PCNX1: variants seen among roughly 807,000 people sequenced by gnomAD.
PCNX1 encodes pecanex 1, also known as pecanex-like protein 1.
Under a neutral mutation model 242.2 loss-of-function variants are expected in PCNX1, and 78 were observed. The ratio of observed to expected loss-of-function variants is 0.32; its 90% CI spans 0.27 to 0.39. The LOEUF (loss-of-function observed/expected upper bound fraction) is 0.39, where lower values mean the gene tolerates loss of function less well. PCNX1 is among the 10% of genes least tolerant of loss of function. PCNX1 has a pLI of 1.00. For missense variants in PCNX1, 2,581 were observed against 2,856.5 expected (o/e 0.90, Z 2.20); for synonymous variants, 1,024 against 1,032.9 (o/e 0.99, Z 0.17).
In PCNX1 at chr14:70,978,599, A is replaced by C. The variant is rs2058748055; in HGVS notation, c.2262A>C (p.Pro754=). The change falls in exon 6 of 36, where the codon CCA becomes CCC. Residue 754 remains proline, a synonymous_variant. Coordinates refer to ENST00000304743, the MANE Select transcript of PCNX1 (RefSeq NM_014982.3). The part of the protein sequence containing the change: ...ETVTRSRNSL[P]NQVAFPEGEE... ...TCACTCGATCTAGGAATAGCTTGCC[A>C]AACCAGGTTGCATTTCCTGAAGGGG... is the stretch of plus-strand genomic sequence containing the variant. 1 of 1,614,020 alleles carries C rather than the reference A, an allele frequency of 6.2e-7. No individual in the cohort carries two copies. Among genetic ancestry groups the C allele is most frequent in the Non-Finnish European group, 8.5e-7 (1 of 1,179,946 alleles).
rs1420430918 is a variant in PCNX1 at position 71,081,973 on chromosome 14, C to G, written c.5337+5554C>G. ...TAGGGTGTTGATTTTAGATCTTTCC[C>G]ACTTTTTTTCTGTGGGCATTTAGTG... is the stretch of plus-strand genomic sequence containing the variant. On this transcript the variant is annotated intron_variant, in intron 28 of 35. Coordinates refer to ENST00000304743, the MANE Select transcript of PCNX1 (RefSeq NM_014982.3). 2.6e-5 allele frequency among the ~76,000 whole-genome samples: 4 copies of G among 152,066 alleles called. No homozygotes were observed. In the East Asian group the frequency reaches 7.7e-4, roughly 29 times the overall value.
rs951532411 is a variant in PCNX1 at position 71,036,298 on chromosome 14, T to A, written c.3867+141T>A. ...GGCTCAAGTGATCCTCCCACGTAGC[T>A]AGGACTACAGTTGTGCACCACCACA... On this transcript the variant is annotated intron_variant, in intron 19 of 35. Transcript: ENST00000304743. The A allele has an allele frequency of 4.9e-6, 3 of 608,310 alleles. No homozygotes were observed. The African/African-American group carries it at 5.6e-5, about 11-fold the overall frequency. 37.7% of individuals were successfully genotyped at this position (608,310 alleles called of 1,614,324 possible).
intron 8 of PCNX1, among the ~76,000 whole-genome samples, chr14:70,999,438 T>C (rs1192726544): frequency 6.6e-6 from 1 of 152,182 alleles, no homozygotes; most frequent in African/African-American, 2.4e-5. Context: ...TAAAAATTAC[T>C]GTTACAATGT....
intron 7 of PCNX1, among the ~76,000 whole-genome samples, chr14:70,989,534 ATT>A (rs34767376): frequency 1.8e-3 from 233 of 126,332 alleles, no homozygotes; most frequent in African/African-American, 5.4e-3. Context: ...ACAGATATAA[ATT>A]TTTTTTTTTT....
intron 3 of PCNX1, 29 bp from the exon 4 acceptor site, chr14:70,968,169 G>A: frequency 9.5e-6 from 15 of 1,578,502 alleles, no homozygotes; most frequent in Non-Finnish European, 1.3e-5. Flanking sequence ...ATTTTAATTA[G>A]TTTTATTTAC....
intron 3 of PCNX1, among the ~76,000 whole-genome samples, chr14:70,963,090 C>T (rs546738135): frequency 6.6e-6 from 1 of 152,320 alleles, no homozygotes; most frequent in East Asian, 1.9e-4. Flanking sequence ...CTAGACCGCA[C>T]TTCTCACTCC....
chr14:71,059,521 C>A (rs1387238301), intron 26 of PCNX1, among the ~76,000 whole-genome samples: 1 of 151,896 alleles, frequency 6.6e-6, no homozygotes, highest in East Asian at 1.9e-4. Context: ...GTAGTTGGGA[C>A]TACAGGTGCA....
intron 28 of PCNX1, among the ~76,000 whole-genome samples, chr14:71,084,469 T>G (rs1448847681): frequency 2.0e-5 from 3 of 152,042 alleles, no homozygotes; most frequent in Non-Finnish European, 4.4e-5. Context: ...TTCCCCCAGG[T>G]GCTCTGTCCC....
intron 21 of PCNX1, 138 bp downstream of exon 21, chr14:71,047,243 T>A: frequency 2.1e-6 from 1 of 483,522 alleles, no homozygotes; most frequent in Non-Finnish European, 3.5e-6. Flanking sequence ...TGACATTTTG[T>A]CCTTGACTTA....
In PCNX1 at chr14:70,977,057, G is replaced by A. The variant is rs751052800; in HGVS notation, c.720G>A (p.Val240=). The part of the protein sequence containing the change: ...QDLPRDFSDK[V]NLPSHNHHHH... The stretch of plus-strand genomic sequence containing the variant: ...TGCCAAGGGACTTCAGTGACAAAGT[G>A]AACCTGCCAAGTCATAACCACCACC... Residue 240 remains valine, a synonymous_variant, in exon 6 of 36, where the codon GTG becomes GTA. Coordinates refer to ENST00000304743, the MANE Select transcript of PCNX1 (RefSeq NM_014982.3). 1.2e-6 allele frequency: 2 copies of A among 1,614,118 alleles called. No homozygotes were observed. Among genetic ancestry groups the A allele is most frequent in the East Asian group, 2.2e-5 (1 of 44,864 alleles).
At chr14:71,019,956 C>T (rs2060056513) in intron 12 of PCNX1, among the ~76,000 whole-genome samples, 1 of 151,890 alleles carries the variant, frequency 6.6e-6, no homozygotes. Context: ...CCTGACGGAC[C>T]CCCTCCTTGT....
intron 6 of PCNX1, among the ~76,000 whole-genome samples, chr14:70,978,941 A>T (rs544290565): frequency 3.9e-5 from 6 of 152,288 alleles, no homozygotes; most frequent in Non-Finnish European, 8.8e-5. Flanking sequence ...TGGGAATAAC[A>T]AAAATTAGCC....
chr14:71,067,796 G>T (rs1280515493), intron 26 of PCNX1, among the ~76,000 whole-genome samples: 1 of 151,788 alleles, frequency 6.6e-6, no homozygotes, highest in East Asian at 1.9e-4. Context: ...AGAGATTCTG[G>T]TACGTTGTGT....
intron 1 of PCNX1, among the ~76,000 whole-genome samples, chr14:70,917,963 T>C (rs1430110091): frequency 6.7e-6 from 1 of 149,514 alleles, no homozygotes; most frequent in Non-Finnish European, 1.5e-5. Context: ...TAAACTTTTA[T>C]GTTATGGCAA....
chr14:71,036,531 A>G (rs894398719), intron 19 of PCNX1, among the ~76,000 whole-genome samples: 1 of 152,150 alleles, frequency 6.6e-6, no homozygotes, highest in African/African-American at 2.4e-5. Context: ...TGCCTACAGT[A>G]TTCAGTACAG....
intron 29 of PCNX1, 52 bp downstream of exon 29, chr14:71,088,482 C>T: frequency 9.6e-7 from 1 of 1,039,660 alleles, no homozygotes; most frequent in Non-Finnish European, 1.5e-6. Context: ...GCTGTATAGC[C>T]TAAATCTAAA....
intron 30 of PCNX1, among the ~76,000 whole-genome samples, chr14:71,098,097 G>A (rs1595499593): frequency 1.3e-5 from 2 of 152,280 alleles, no homozygotes; most frequent in South Asian, 2.1e-4. Flanking sequence ...GATGGCTGTA[G>A]GTGTACAGCT....
chr14:71,100,664 G>A (rs1457603172), intron 30 of PCNX1, among the ~76,000 whole-genome samples: 1 of 152,118 alleles, frequency 6.6e-6, no homozygotes, highest in African/African-American at 2.4e-5. Context: ...ATGCTCTTGA[G>A]TTATTCCCTC....
At chr14:71,056,839 C>A (rs765775003) in intron 25 of PCNX1, among the ~76,000 whole-genome samples, 2 of 151,918 alleles carry the variant, frequency 1.3e-5, no homozygotes, top group Non-Finnish European at 2.9e-5. Context: ...CCATGATGCC[C>A]AGCTAATTTT....
Sources: gnomAD v4.1 joint callset for allele counts (sites outside exome capture counted in the v4.1 genomes callset) on GRCh38, gnomAD v4.1.1 for gene constraint, MANE v1.5 for transcripts, NCBI Gene and HGNC (gene_info 2026-07-23, HGNC 2026-07-21) for gene names.